Variants in MIPOL1 observed in about 807,000 individuals in gnomAD.
MIPOL1 encodes mirror-image polydactyly gene 1 protein.
A neutral mutation model predicts 60.9 loss-of-function variants in MIPOL1; 57 were observed. The observed-to-expected ratio is 0.94, with a 90% confidence interval of 0.76 to 1.17. MIPOL1 has a LOEUF of 1.17. MIPOL1 is among the 50% of genes most tolerant of loss of function. The pLI, the probability that MIPOL1 is intolerant of heterozygous loss-of-function variation, is 0.00. For synonymous variants in MIPOL1, 179 were observed against 168.8 expected (o/e 1.06, Z -0.47); for missense variants, 551 against 511.6 (o/e 1.08, Z -0.74).
At position 37,206,314 on chromosome 14, in the gene MIPOL1, C is replaced by T. The variant is rs569838373; in HGVS notation, c.-199+8210C>T. Among the ~76,000 whole-genome samples, 7 of 152,246 alleles carry T rather than the reference C, an allele frequency of 4.6e-5. No homozygotes were observed. In the East Asian group the frequency reaches 9.7e-4, roughly 21 times the overall value. ...GCCATGGCTTCAGAGTGCGCAGGCC[C>T]GAAGCCTTGGAAGCTTCCATGTGAT... On this transcript the variant is annotated intron_variant, in intron 1 of 12. Coordinates refer to ENST00000684589, the MANE Select transcript of MIPOL1 (RefSeq NM_001388067.1).
intron 11 of MIPOL1, among the ~76,000 whole-genome samples, chr14:37,456,385 T>G (rs1481692220): frequency 6.6e-6 from 1 of 152,084 alleles, no homozygotes; most frequent in Non-Finnish European, 1.5e-5. Context: ...CATACTTATA[T>G]TATGGGTAAG....
At chr14:37,469,210 T>G (rs890321007) in intron 11 of MIPOL1, among the ~76,000 whole-genome samples, 2 of 152,088 alleles carry the variant, frequency 1.3e-5, no homozygotes, top group African/African-American at 4.8e-5. Context: ...CTGCAGGCTG[T>G]GTAGGAAGCA....
At chr14:37,407,028 C>T (rs545520955) in intron 10 of MIPOL1, among the ~76,000 whole-genome samples, 1 of 152,158 alleles carries the variant, frequency 6.6e-6, no homozygotes, top group Non-Finnish European at 1.5e-5. Context: ...GATAAAGTCT[C>T]TACAGTCTAA....
chr14:37,288,525 C>T (rs924000041), intron 7 of MIPOL1, among the ~76,000 whole-genome samples: 2 of 151,894 alleles, frequency 1.3e-5, no homozygotes, highest in Admixed American at 6.6e-5. Context: ...GAATAGAGGC[C>T]GGACATGGTA....
At chr14:37,374,036 C>T (rs1327477891) in intron 10 of MIPOL1, among the ~76,000 whole-genome samples, 1 of 152,162 alleles carries the variant, frequency 6.6e-6, no homozygotes, top group African/African-American at 2.4e-5. Context: ...CACATCCTCT[C>T]CACCATCTGT....
chr14:37,438,633 T>C (rs1271584754), intron 11 of MIPOL1, among the ~76,000 whole-genome samples: 4 of 152,336 alleles, frequency 2.6e-5, no homozygotes, highest in East Asian at 1.9e-4. Context: ...ACATGTTTAT[T>C]GCACAAAACA....
intron 10 of MIPOL1, among the ~76,000 whole-genome samples, chr14:37,377,947 T>C (rs1380228113): frequency 6.6e-6 from 1 of 151,968 alleles, no homozygotes; most frequent in Non-Finnish European, 1.5e-5. Flanking sequence ...TTTTTAAAAT[T>C]AAAATTATCT....
chr14:37,215,660 G>A (rs1212335204), intron 1 of MIPOL1, among the ~76,000 whole-genome samples: 1 of 152,158 alleles, frequency 6.6e-6, no homozygotes, highest in Non-Finnish European at 1.5e-5. Flanking sequence ...GAATATAAAT[G>A]GACTAAACTC....
chr14:37,257,092 G>GTT (rs1159313584), intron 3 of MIPOL1, among the ~76,000 whole-genome samples: 7 of 58,454 alleles, frequency 1.2e-4, no homozygotes, highest in African/African-American at 1.7e-4. Flanking sequence ...TTTTGGTTTT[G>GTT]TTTTGTGTGT....
intron 9 of MIPOL1, among the ~76,000 whole-genome samples, chr14:37,328,832 G>T (rs1167954077): frequency 6.6e-6 from 1 of 152,184 alleles, no homozygotes; most frequent in Non-Finnish European, 1.5e-5. Context: ...AAGTAACAGT[G>T]TGTGAGAGAA....
intron 7 of MIPOL1, among the ~76,000 whole-genome samples, chr14:37,291,332 A>G (rs981890274): frequency 2.6e-5 from 4 of 152,178 alleles, no homozygotes; most frequent in Non-Finnish European, 5.9e-5. Context: ...ATAATGATTA[A>G]TATTTTAATC....
chr14:37,275,321 G>T (rs2083572212), intron 6 of MIPOL1, among the ~76,000 whole-genome samples: 2 of 151,138 alleles, frequency 1.3e-5, no homozygotes, highest in South Asian at 4.1e-4. Flanking sequence ...TCAAATACTA[G>T]GGGATGTTTT....
At chr14:37,454,793 T>C (rs1011035001) in intron 11 of MIPOL1, among the ~76,000 whole-genome samples, 1 of 152,230 alleles carries the variant, frequency 6.6e-6, no homozygotes, top group Admixed American at 6.5e-5. Context: ...ATTTTACTTC[T>C]CTCGTTTTTC....
chr14:37,202,165 T>C (rs1965444082), intron 1 of MIPOL1, among the ~76,000 whole-genome samples: 1 of 152,170 alleles, frequency 6.6e-6, no homozygotes, highest in Non-Finnish European at 1.5e-5. Context: ...TAGAAGTGAA[T>C]TTAGTGCACA....
intron 1 of MIPOL1, among the ~76,000 whole-genome samples, chr14:37,242,302 G>A (rs1314503042): frequency 6.6e-6 from 1 of 151,574 alleles, no homozygotes; most frequent in Non-Finnish European, 1.5e-5. Flanking sequence ...ACTGGTAATA[G>A]TTTCTTATGT....
At chr14:37,356,734 C>T (rs2091869774) in intron 9 of MIPOL1, among the ~76,000 whole-genome samples, 1 of 152,226 alleles carries the variant, frequency 6.6e-6, no homozygotes, top group African/African-American at 2.4e-5. Flanking sequence ...CTTGCGCTTC[C>T]CGAGTGAGGC....
intron 12 of MIPOL1, among the ~76,000 whole-genome samples, chr14:37,540,313 C>G (rs545349296): frequency 1.3e-5 from 2 of 152,198 alleles, no homozygotes; most frequent in South Asian, 4.1e-4. Flanking sequence ...AGTCTTCTTA[C>G]CTTTCTCTTA....
At chr14:37,248,726 G>C (rs1418406638) in intron 3 of MIPOL1, among the ~76,000 whole-genome samples, 1 of 151,968 alleles carries the variant, frequency 6.6e-6, no homozygotes, top group African/African-American at 2.4e-5. Context: ...CTAAAGTAAG[G>C]AGAGAGAGTA....
chr14:37,335,629 A>G (rs2090049261), intron 9 of MIPOL1, among the ~76,000 whole-genome samples: 1 of 152,068 alleles, frequency 6.6e-6, no homozygotes, highest in Non-Finnish European at 1.5e-5. Flanking sequence ...TATTATTTGT[A>G]TATACCACAT....
Sources: allele counts gnomAD v4.1 joint callset (sites outside exome capture counted in the v4.1 genomes callset), GRCh38; gene constraint gnomAD v4.1.1; transcripts MANE v1.5; gene names NCBI Gene and HGNC (gene_info 2026-07-23, HGNC 2026-07-21).